RCOR3: variants seen among roughly 807,000 people sequenced by gnomAD.
The protein encoded by RCOR3 is REST corepressor 3.
Under a neutral mutation model 64.1 loss-of-function variants are expected in RCOR3, and 13 were observed. That is an observed-to-expected ratio of 0.20 (90% CI 0.13 to 0.32). The LOEUF is 0.32. Among genes scored for constraint, RCOR3 ranks in the 10% least tolerant of loss-of-function variants. RCOR3 has a pLI of 1.00. For synonymous variants in RCOR3, 215 were observed against 239.0 expected (o/e 0.90, Z 0.93); for missense variants, 489 against 701.2 (o/e 0.70, Z 3.42).
chr1:211,263,222 A>ATAG (rs1467697755), intron 2 of RCOR3, among the ~76,000 whole-genome samples: 1 of 151,810 alleles, frequency 6.6e-6, no homozygotes, highest in African/African-American at 2.4e-5. Context: ...TTATGGCTGC[A>ATAG]TAGTATTCCA....
chr1:211,269,290 C>A (rs1695759604), intron 2 of RCOR3, among the ~76,000 whole-genome samples: 1 of 151,904 alleles, frequency 6.6e-6, no homozygotes, highest in Non-Finnish European at 1.5e-5. Flanking sequence ...ATGGAGAAAC[C>A]TTGTCTCTAC....
chr1:211,298,163 A>T (rs79013523), intron 9 of RCOR3, among the ~76,000 whole-genome samples: 2,745 of 151,686 alleles, frequency 0.018, 59 homozygotes, highest in African/African-American at 0.052. Context: ...CCTGCTTTTT[A>T]AAAAAAAAGA....
chr1:211,300,281 G>C (rs1441702767), intron 9 of RCOR3, among the ~76,000 whole-genome samples: 2 of 151,714 alleles, frequency 1.3e-5, no homozygotes. Flanking sequence ...TGTTGCCCAG[G>C]CTGGTCTCAA....
At chr1:211,275,236 C>T (rs1234660959) in intron 4 of RCOR3, among the ~76,000 whole-genome samples, 2 of 151,854 alleles carry the variant, frequency 1.3e-5, no homozygotes, top group Admixed American at 1.3e-4. Context: ...TATCTGTAAC[C>T]TGGGTTATCA....
At chr1:211,284,434 C>CT (rs1236263542) in intron 7 of RCOR3, among the ~76,000 whole-genome samples, 1 of 151,968 alleles carries the variant, frequency 6.6e-6, no homozygotes, top group Non-Finnish European at 1.5e-5. Flanking sequence ...AAATTTTAAA[C>CT]TTTTTCTCTT....
At chr1:211,264,254 T>C (rs1015985250) in intron 2 of RCOR3, among the ~76,000 whole-genome samples, 3 of 152,206 alleles carry the variant, frequency 2.0e-5, no homozygotes, top group African/African-American at 7.2e-5. Flanking sequence ...CTAGAAGTCA[T>C]TTGGAAGAAA....
intron 2 of RCOR3, among the ~76,000 whole-genome samples, chr1:211,262,534 T>C (rs1694498354): frequency 6.6e-6 from 1 of 152,204 alleles, no homozygotes; most frequent in Non-Finnish European, 1.5e-5. Flanking sequence ...GCTACAATTA[T>C]TTTTTAAGTT....
At position 211,299,624 on chromosome 1, in the gene RCOR3, G is replaced by A. The variant is rs72741159; in HGVS notation, c.1017+3871G>A. Among the ~76,000 whole-genome samples, 565 of 150,206 alleles carry A rather than the reference G, an allele frequency of 3.8e-3. 2 individuals carry two copies. Among genetic ancestry groups the A allele is most frequent in the South Asian group, 0.011 (52 of 4,582 alleles). ...CCACTCACGAAAATGGGAAAGATGT[G>A]AAAACAATTTAGCGGGGAAAGGATG... On this transcript the variant is annotated intron_variant, in intron 9 of 11. Transcript: ENST00000419091.
At chr1:211,306,542 A>G (rs1700870176) in intron 10 of RCOR3, among the ~76,000 whole-genome samples, 1 of 152,144 alleles carries the variant, frequency 6.6e-6, no homozygotes, top group South Asian at 2.1e-4. Flanking sequence ...TCATAGTAGA[A>G]GACTATTACA....
intron 2 of RCOR3, among the ~76,000 whole-genome samples, chr1:211,265,241 CTG>C (rs759074302): frequency 3.0e-4 from 46 of 151,984 alleles, no homozygotes; most frequent in Admixed American, 7.9e-4. Context: ...AAGTCTTTAT[CTG>C]TATTTTAAAT....
At chr1:211,265,688 C>T (rs1204967546) in intron 2 of RCOR3, among the ~76,000 whole-genome samples, 1 of 152,258 alleles carries the variant, frequency 6.6e-6, no homozygotes, top group East Asian at 1.9e-4. Context: ...CATTGCACTC[C>T]AGCCTGGCGA....
chr1:211,271,373 T>TTA (rs1259117075), intron 3 of RCOR3, 64 bp downstream of exon 3: 3 of 1,323,942 alleles, frequency 2.3e-6, no homozygotes, highest in Non-Finnish European at 3.3e-6. Flanking sequence ...AAAATATGAC[T>TTA]TACGTTTGTT....
intron 10 of RCOR3, among the ~76,000 whole-genome samples, chr1:211,310,904 G>A (rs1701424635): frequency 6.6e-6 from 1 of 152,122 alleles, no homozygotes; most frequent in Non-Finnish European, 1.5e-5. Context: ...TTTGGCCATT[G>A]CTAGAATGTA....
intron 9 of RCOR3, among the ~76,000 whole-genome samples, chr1:211,300,257 A>G (rs1700244419): frequency 6.6e-6 from 1 of 151,464 alleles, no homozygotes; most frequent in Admixed American, 6.6e-5. Flanking sequence ...TTTAGTAGAG[A>G]CGGGATCTTG....
intron 8 of RCOR3, among the ~76,000 whole-genome samples, chr1:211,295,173 CTT>C (rs1260077844): frequency 6.7e-6 from 1 of 150,196 alleles, no homozygotes; most frequent in Non-Finnish European, 1.5e-5. Context: ...AGTTCAGTGA[CTT>C]TTAATGTATT....
At chr1:211,265,446 G>A (rs750265522) in intron 2 of RCOR3, among the ~76,000 whole-genome samples, 4 of 152,070 alleles carry the variant, frequency 2.6e-5, no homozygotes, top group Non-Finnish European at 4.4e-5. Context: ...GGCCCGGCGC[G>A]GTGGCTCACG....
chr1:211,269,145 A>C (rs1448690300), intron 2 of RCOR3, among the ~76,000 whole-genome samples: 1 of 151,186 alleles, frequency 6.6e-6, no homozygotes, highest in East Asian at 1.9e-4. Flanking sequence ...TCTGGCTATT[A>C]ATGGTAATTA....
chr1:211,305,590 G>A (rs1253601977), intron 10 of RCOR3, among the ~76,000 whole-genome samples: 1 of 152,086 alleles, frequency 6.6e-6, no homozygotes, highest in Admixed American at 6.6e-5. Flanking sequence ...GTTGTTTAAA[G>A]ATTAGTATAT....
At position 211,313,119 on chromosome 1, in the gene RCOR3, AT is replaced by A. The variant is rs1701660531; in HGVS notation, c.1317+159del. On this transcript the variant is annotated intron_variant, in intron 11 of 11. Transcript: ENST00000419091. This position sits in a 1 kb window ranked among gnomAD's most constrained non-coding sequence, Gnocchi z 4.7. The stretch of plus-strand genomic sequence containing the variant: ...GTGCATCTCTCGTGACTCTTAAGTC[AT>A]AATGACATGCTAAGTTCTGATTCTA... The A allele has an allele frequency of 6.6e-7, 1 of 1,506,494 alleles. No individual in the cohort carries two copies. Among genetic ancestry groups the A allele is most frequent in the Non-Finnish European group, 8.8e-7 (1 of 1,136,302 alleles). The allele number at this position is 1,506,494 out of a possible 1,614,324, so 93.3% of individuals were successfully genotyped here.
Sources: gnomAD v4.1 joint callset for allele counts (sites outside exome capture counted in the v4.1 genomes callset) on GRCh38, gnomAD v4.1.1 for gene constraint, Gnocchi (gnomAD v3.1) non-coding constraint, MANE v1.5 for transcripts, NCBI Gene and HGNC (gene_info 2026-07-23, HGNC 2026-07-21) for gene names.